The following RGS6 variants were observed in gnomAD, a reference collection of about 807,000 sequenced individuals.
RGS6 encodes regulator of G-protein signaling 6.
Under a neutral mutation model 78.5 loss-of-function variants are expected in RGS6, and 30 were observed. That is an observed-to-expected ratio of 0.38 (90% confidence interval 0.29 to 0.52). The LOEUF (loss-of-function observed/expected upper bound fraction) is 0.52. RGS6 is among the 20% of genes least tolerant of loss of function. RGS6 has a pLI of 0.85. For synonymous variants in RGS6, 206 were observed against 206.0 expected (o/e 1.00, Z 0.00); for missense variants, 495 against 609.7 (o/e 0.81, Z 1.98).
intron 2 of RGS6, among the ~76,000 whole-genome samples, chr14:72,004,849 A>ATAAAT (rs1224764581): frequency 0.03 from 4,520 of 152,130 alleles, 201 homozygotes; most frequent in African/African-American, 0.098. Flanking sequence ...AAATAAATAA[A>ATAAAT]ACAAACATAA....
intron 1 of RGS6, among the ~76,000 whole-genome samples, chr14:71,952,950 C>T (rs2092464739): frequency 6.6e-6 from 1 of 152,162 alleles, no homozygotes; most frequent in Admixed American, 6.6e-5. Flanking sequence ...CTTAGTCATC[C>T]ACTTCTTGTG....
intron 1 of RGS6, among the ~76,000 whole-genome samples, chr14:71,954,020 T>C (rs1387994297): frequency 8.1e-6 from 1 of 123,136 alleles, no homozygotes; most frequent in Middle Eastern, 4.5e-3. Flanking sequence ...CACTCCACAC[T>C]CTGGCTTGCA....
At chr14:72,556,343 T>C (rs913210839) in intron 17 of RGS6, among the ~76,000 whole-genome samples, 2 of 152,086 alleles carry the variant, frequency 1.3e-5, no homozygotes, top group Non-Finnish European at 2.9e-5. Context: ...TCGGATCTCA[T>C]GAGAACTCAC....
chr14:72,376,922 A>C (rs1023850994), intron 3 of RGS6, among the ~76,000 whole-genome samples: 2 of 152,180 alleles, frequency 1.3e-5, no homozygotes, highest in Non-Finnish European at 2.9e-5. Flanking sequence ...CAATACACAA[A>C]GGAGAAAGAA....
At position 72,396,334 on chromosome 14, in the gene RGS6, T is replaced by C. The variant is rs2091260623; in HGVS notation, c.184+44140T>C. Reference sequence around the variant, plus strand: ...TGTGTTTTTTGGCTGCATAAATGTCTTCTTTTGAGAAGTGTCTGTTCATAT... The same window carrying C: ...TGTGTTTTTTGGCTGCATAAATGTCCTCTTTTGAGAAGTGTCTGTTCATAT... On this transcript the variant is annotated intron_variant, in intron 3 of 17. Coordinates refer to ENST00000553525, the MANE Select transcript of RGS6 (RefSeq NM_001204424.2). 1.3e-5 allele frequency among the ~76,000 whole-genome samples: 2 copies of C among 152,220 alleles called. 1 individual carries two copies. The highest frequency in any genetic ancestry group is 4.1e-4 in the South Asian group (2 of 4,830).
At chr14:71,885,518 G>A in the RGS6 span, among the ~76,000 whole-genome samples, 17 of 152,218 alleles carry the variant, frequency 1.1e-4, no homozygotes. Context: ...AGCTGGAGTG[G>A]TGGAGAGAGG....
chr14:72,403,751 A>C (rs1183658411), intron 3 of RGS6, among the ~76,000 whole-genome samples: 1 of 152,210 alleles, frequency 6.6e-6, no homozygotes, highest in Non-Finnish European at 1.5e-5. Flanking sequence ...TAATGTAAGG[A>C]ATAAACAATA....
At chr14:71,931,938 G>C (rs2087896716), upstream of RGS6, among the ~76,000 whole-genome samples, 1 of 152,192 alleles carries the variant, frequency 6.6e-6, no homozygotes, top group South Asian at 2.1e-4. Context: ...GACGAGGTTA[G>C]GAACAATATC....
intron 1 of RGS6, among the ~76,000 whole-genome samples, chr14:71,943,710 G>A (rs1254139668): frequency 2.0e-5 from 3 of 152,208 alleles, no homozygotes; most frequent in African/African-American, 7.2e-5. Context: ...CTGCTGCATT[G>A]ATAGGGCTTA....
At chr14:72,246,116 A>C (rs2054158512) in intron 2 of RGS6, among the ~76,000 whole-genome samples, 1 of 152,212 alleles carries the variant, frequency 6.6e-6, no homozygotes, top group African/African-American at 2.4e-5. Context: ...ATTCCTCCCC[A>C]GAAAATCCTT....
chr14:72,546,842 A>C (rs1443789200), intron 17 of RGS6, among the ~76,000 whole-genome samples: 1 of 152,204 alleles, frequency 6.6e-6, no homozygotes, highest in Non-Finnish European at 1.5e-5. Context: ...CTGGGGGCAA[A>C]GTGTGTGTAT....
At chr14:72,163,985 G>A (rs1426363208) in intron 2 of RGS6, among the ~76,000 whole-genome samples, 1 of 152,076 alleles carries the variant, frequency 6.6e-6, no homozygotes, top group Admixed American at 6.6e-5. Flanking sequence ...TTTGGGAGGG[G>A]TGGCAAGAGG....
At chr14:72,221,647 T>C (rs2046893380) in intron 2 of RGS6, among the ~76,000 whole-genome samples, 1 of 152,260 alleles carries the variant, frequency 6.6e-6, no homozygotes. Flanking sequence ...CAAACCTAAT[T>C]GATACATTCA....
chr14:72,165,145 C>T (rs17179797), intron 2 of RGS6, among the ~76,000 whole-genome samples: 1 of 152,194 alleles, frequency 6.6e-6, no homozygotes. Context: ...ATCCAGGGCT[C>T]TCACTTTGAA....
upstream of RGS6, among the ~76,000 whole-genome samples, chr14:71,931,152 A>G (rs1450524433): frequency 6.6e-6 from 1 of 152,158 alleles, no homozygotes; most frequent in Non-Finnish European, 1.5e-5. Context: ...GAGGAAAGAA[A>G]GATTTTATAT....
chr14:72,623,684 T>C, the RGS6 span, among the ~76,000 whole-genome samples: 1 of 152,236 alleles, frequency 6.6e-6, no homozygotes, highest in Non-Finnish European at 1.5e-5. Flanking sequence ...GTTCTAAGTA[T>C]GAACTGGATG....
the RGS6 span, among the ~76,000 whole-genome samples, chr14:71,892,712 C>G: frequency 6.6e-6 from 1 of 152,172 alleles, no homozygotes; most frequent in Non-Finnish European, 1.5e-5. Flanking sequence ...GCCACTGAGA[C>G]TACAGTGGGG....
At chr14:72,065,523 A>T (rs952387264) in intron 2 of RGS6, among the ~76,000 whole-genome samples, 2 of 152,188 alleles carry the variant, frequency 1.3e-5, no homozygotes, top group African/African-American at 2.4e-5. Context: ...TAATTTACCC[A>T]TGCTTGACTA....
chr14:71,868,967 C>T, the RGS6 span, among the ~76,000 whole-genome samples: 1 of 152,194 alleles, frequency 6.6e-6, no homozygotes, highest in East Asian at 1.9e-4. Context: ...CTTGGGATGC[C>T]ATATACAGCA....
Sources: gnomAD v4.1 joint callset for allele counts (sites outside exome capture counted in the v4.1 genomes callset) on GRCh38, gnomAD v4.1.1 for gene constraint, MANE v1.5 for transcripts, NCBI Gene and HGNC (gene_info 2026-07-23, HGNC 2026-07-21) for gene names.